The following INAVA variants were observed in gnomAD, a reference collection of about 807,000 sequenced individuals.
INAVA encodes the protein innate immunity activator protein.
INAVA carries 32 observed loss-of-function variants against 55.3 expected under a neutral mutation model. The observed-to-expected ratio is 0.58, with a 90% CI of 0.44 to 0.78. The LOEUF is 0.78. Among genes scored for constraint, INAVA ranks in the 30% least tolerant of loss-of-function variants. The pLI, the probability that INAVA is intolerant of heterozygous loss-of-function variation, is 0.00. For missense variants in INAVA, 756 were observed against 786.4 expected, an observed-to-expected ratio of 0.96 and a Z score of 0.46; for synonymous variants, 294 against 329.4, an observed-to-expected ratio of 0.89 and a Z score of 1.16.
chr1:200,891,555 G>T (rs201333191), upstream of INAVA: 6 of 1,602,836 alleles, frequency 3.7e-6, no homozygotes, highest in Non-Finnish European at 4.3e-6. Flanking sequence ...TGCAAATGCC[G>T]AAGTTAAATG....
intron 1 of INAVA, among the ~76,000 whole-genome samples, chr1:200,896,604 G>A (rs1248221347): frequency 1.3e-5 from 2 of 152,226 alleles, no homozygotes; most frequent in East Asian, 3.8e-4. Flanking sequence ...AAATTCCAAA[G>A]TGCAAGGTAC....
intron 8 of INAVA, 39 bp downstream of exon 8, chr1:200,909,436 T>C: frequency 6.8e-7 from 1 of 1,474,432 alleles, no homozygotes; most frequent in Non-Finnish European, 9.1e-7. Context: ...GGGACCCACT[T>C]AGAGCTTATC....
chr1:200,900,968 C>T lies in INAVA; in HGVS notation c.329C>T (p.Ala110Val). The T allele has an allele frequency of 6.4e-7, 1 of 1,555,290 alleles. No individual in the cohort carries two copies. ...DPLSSLERQL[A>V]LQLQITEAAR... ...CTAAGCAGCCTGGAGCGCCAGCTGGCCCTGCAGCTGCAGATCACAGAGGCA... is the reference window on the plus strand; with the variant it reads ...CTAAGCAGCCTGGAGCGCCAGCTGGTCCTGCAGCTGCAGATCACAGAGGCA... The change falls in exon 5 of 10, where the codon GCC becomes GTC. Residue 110 changes from alanine to valine, a missense_variant. Ala to Val is a moderately conservative substitution (Grantham distance 64). Coordinates refer to ENST00000413687, the MANE Select transcript of INAVA (RefSeq NM_001142569.3).
At position 200,913,661 on chromosome 1, in the gene INAVA, A is replaced by C; in HGVS notation, c.*32A>C. 6.3e-6 allele frequency: 10 copies of C among 1,578,470 alleles called. No homozygotes were observed. The highest frequency in any genetic ancestry group is 8.7e-6 in the Non-Finnish European group (10 of 1,150,004). Reference sequence around the variant, plus strand: ...GCCCCACGCTGGAAAAAACTGTTTCATAGAGGGGCTGGGCTGAGACCCCCC... The same window carrying C: ...GCCCCACGCTGGAAAAAACTGTTTCCTAGAGGGGCTGGGCTGAGACCCCCC... On this transcript the variant is annotated 3_prime_UTR_variant, in exon 10 of 10. Coordinates refer to ENST00000413687, the MANE Select transcript of INAVA (RefSeq NM_001142569.3).
Position 200,909,267 on chromosome 1 carries a change from C to G in INAVA, c.829C>G (p.Leu277Val). The G allele has an allele frequency of 1.9e-6, 3 of 1,608,076 alleles. No individual in the cohort carries two copies. The highest frequency in any genetic ancestry group is 1.3e-5 in the African/African-American group (1 of 74,910). The change falls in exon 8 of 10, where the codon CTG (leucine) becomes GTG (valine). Residue 277 changes from leucine (L) to valine (V), a missense_variant. By Grantham distance (32) the Leu-to-Val change is conservative (BLOSUM62 1). Around this residue, in one of 2 missense-constraint regions of INAVA, gnomAD observed 639 missense variants for 624.3 expected, o/e 1.02. Transcript: ENST00000413687. The stretch of plus-strand genomic sequence containing the variant: ...ACAGGATGGGCCCAGTGCCTCCAGC[C>G]TGTGGCTTCTGGAGCCTGCCTCCTA... ...TPQDGPSASSLWLLEPASYHV... is the reference protein window; with the variant it reads ...TPQDGPSASSVWLLEPASYHV...
chr1:200,895,597 A>C (rs1233869736), intron 1 of INAVA, among the ~76,000 whole-genome samples: 4 of 151,662 alleles, frequency 2.6e-5, no homozygotes, highest in African/African-American at 9.7e-5. Flanking sequence ...TAGACACTTA[A>C]GACTCATAGC....
At chr1:200,892,790 C>G (rs1486335005), upstream of INAVA, among the ~76,000 whole-genome samples, 3 of 152,162 alleles carry the variant, frequency 2.0e-5, no homozygotes, top group African/African-American at 7.2e-5. Flanking sequence ...GGGTTCTTGG[C>G]AGGAGGTTTG....
intron 1 of INAVA, among the ~76,000 whole-genome samples, chr1:200,896,319 C>T (rs1668350429): frequency 7.8e-6 from 1 of 128,256 alleles, no homozygotes; most frequent in Non-Finnish European, 1.6e-5. Flanking sequence ...CTGCACCCTG[C>T]TCTTGGCTTC....
chr1:200,907,733 G>T lies in INAVA; in HGVS notation c.521-101G>T. Reference sequence around the variant, plus strand: ...ATTTCCTCATAACTGATGCTGTCCTGGGGGAGTGATCAGGCCTGAGCTGCT... The same window carrying T: ...ATTTCCTCATAACTGATGCTGTCCTTGGGGAGTGATCAGGCCTGAGCTGCT... On this transcript the variant is annotated intron_variant, in intron 5 of 9. Coordinates refer to ENST00000413687, the MANE Select transcript of INAVA (RefSeq NM_001142569.3). The T allele has an allele frequency of 3.6e-6, 3 of 844,874 alleles. No homozygotes were observed. In the South Asian group the frequency reaches 4.7e-5, roughly 13 times the overall value. 52.3% of individuals were successfully genotyped at this position (844,874 alleles called of 1,614,324 possible). A position where few individuals can be genotyped will look rare whatever the true frequency, so the allele number is the denominator to read the frequency against.
At chr1:200,894,088 C>T (rs577327163), upstream of INAVA, among the ~76,000 whole-genome samples, 5 of 152,026 alleles carry the variant, frequency 3.3e-5, no homozygotes, top group South Asian at 4.2e-4. Context: ...GCTTGGGGGT[C>T]GGTGGGATGG....
intron 7 of INAVA, 125 bp from the exon 8 acceptor site, chr1:200,909,099 A>G: frequency 7.6e-7 from 1 of 1,318,036 alleles, no homozygotes; most frequent in East Asian, 2.5e-5. Flanking sequence ...TAGTTCCCCA[A>G]GGGTGCTGGC....
intron 5 of INAVA, chr1:200,902,993 G>A (rs1047893615): frequency 6.6e-6 from 1 of 152,252 alleles, no homozygotes; most frequent in Admixed American, 6.5e-5. Context: ...GACAACTGGT[G>A]TAGTTGCTGA....
chr1:200,911,962 C>G lies in INAVA; in HGVS notation c.1469C>G (p.Pro490Arg). 1.3e-6 allele frequency: 2 copies of G among 1,536,666 alleles called. No individual in the cohort carries two copies. The highest frequency in any genetic ancestry group is 1.7e-6 in the Non-Finnish European group (2 of 1,146,566). The change falls in exon 9 of 10, where the codon CCG (proline) becomes CGG (arginine). Residue 490 changes from proline to arginine, a missense_variant. Pro to Arg is a moderately radical substitution (Grantham distance 103). Transcript: ENST00000413687. ...IVRTPSLKDS[P>R]AGRGLSKAAV... ...CGGACGCCCTCCCTGAAGGACAGCC[C>G]GGCAGGCCGGGGGCTCAGCAAGGCC...
At position 200,911,758 on chromosome 1, in the gene INAVA, A is replaced by C. The variant is rs765095645; in HGVS notation, c.1265A>C (p.His422Pro). 1.8e-4 allele frequency: 297 copies of C among 1,610,342 alleles called. No homozygotes were observed. The highest frequency in any genetic ancestry group is 2.4e-4 in the Non-Finnish European group (282 of 1,178,290). The change falls in exon 9 of 10, where the codon CAC (histidine) becomes CCC (proline). Residue 422 changes from histidine (H) to proline (P), a missense_variant. This residue lies in a region of INAVA where 639 missense variants were observed against 624.3 expected (regional missense o/e 1.02). Coordinates refer to ENST00000413687, the MANE Select transcript of INAVA (RefSeq NM_001142569.3). ...GGCAGCAGAGAGCTGGTCGCCCACC[A>C]CCCCAAGCTACTGCTGCCGCCTGGC... ...PAGSRELVAH[H>P]PKLLLPPGYF...
intron 5 of INAVA, among the ~76,000 whole-genome samples, chr1:200,904,914 C>CA (rs894584454): frequency 2.4e-4 from 37 of 151,782 alleles, no homozygotes; most frequent in Admixed American, 2.3e-3. Context: ...CAAAACAAAA[C>CA]AAAAAAACTA....
chr1:200,897,086 G>A (rs571846129), intron 1 of INAVA, among the ~76,000 whole-genome samples: 197 of 152,372 alleles, frequency 1.3e-3, no homozygotes, highest in African/African-American at 4.7e-3. Flanking sequence ...GGTGAGGAGG[G>A]AGAGGGGGTG....
chr1:200,896,512 C>T (rs1668355191), intron 1 of INAVA, among the ~76,000 whole-genome samples: 1 of 152,192 alleles, frequency 6.6e-6, no homozygotes, highest in South Asian at 2.1e-4. Context: ...TCTTTCAGAA[C>T]TTTGGCATGT....
chr1:200,909,330 C>T lies in INAVA; in HGVS notation c.892C>T (p.Gln298Ter). ...CATCCGTGGTGTTCCTGGCCAGTGG[C>T]AGGGCCGCACCAGTGCCCCAGCCAC... ...VPIRGVPGQW[Q>*]GRTSAPATPE... is the part of the protein sequence containing the mutation. Residue 298 changes from glutamine (Q) to a stop codon, truncating the protein, a stop_gained, in exon 8 of 10, where the codon CAG becomes TAG. Coordinates refer to ENST00000413687, the MANE Select transcript of INAVA (RefSeq NM_001142569.3). LOFTEE classifies it high-confidence loss of function. 6.2e-7 allele frequency: 1 copy of T among 1,611,486 alleles called. No homozygotes were observed. Among genetic ancestry groups the T allele is most frequent in the Non-Finnish European group, 8.5e-7 (1 of 1,178,884 alleles).
intron 5 of INAVA, among the ~76,000 whole-genome samples, chr1:200,905,781 TAGTTTG>T (rs1391659172): frequency 1.9e-4 from 29 of 152,382 alleles, no homozygotes; most frequent in South Asian, 1.2e-3. Flanking sequence ...CCCTGGGCCA[TAGTTTG>T]CTAACCTCTG....
Sources: gnomAD v4.1 joint callset for allele counts (sites outside exome capture counted in the v4.1 genomes callset) on GRCh38, gnomAD v4.1.1 for gene constraint, gnomAD v4.1.1 regional missense constraint, MANE v1.5 for transcripts, NCBI Gene and HGNC (gene_info 2026-07-23, HGNC 2026-07-21) for gene names.